Variants in IMMP2L observed in about 807,000 individuals in gnomAD.
IMMP2L encodes the protein inner mitochondrial membrane peptidase subunit 2.
In IMMP2L, 18 loss-of-function variants were observed where a neutral mutation model predicts 19.3. The observed-to-expected ratio is 0.93, with a 90% CI of 0.64 to 1.38. The LOEUF is 1.38. Among genes scored for constraint, IMMP2L ranks in the 40% most tolerant of loss-of-function variants. The pLI, the probability that IMMP2L is intolerant of heterozygous loss-of-function variation, is 0.00. For synonymous variants in IMMP2L, 76 were observed against 73.0 expected (o/e 1.04, Z -0.21); for missense variants, 233 against 218.2 (o/e 1.07, Z -0.43).
At chr7:110,715,827 C>T (rs1429386842) in intron 5 of IMMP2L, among the ~76,000 whole-genome samples, 1 of 152,026 alleles carries the variant, frequency 6.6e-6, no homozygotes, top group Non-Finnish European at 1.5e-5. Context: ...CTAACCTAAC[C>T]TCAATGATCT....
rs551963255 is a variant in IMMP2L at position 110,722,192 on chromosome 7, G to A, written c.409-58471C>T. Among the ~76,000 whole-genome samples, 62 of 152,142 alleles carry A rather than the reference G, an allele frequency of 4.1e-4. 2 individuals carry two copies. The highest frequency in any genetic ancestry group is 1.4e-3 in the African/African-American group (60 of 41,540). On this transcript the variant is annotated intron_variant, in intron 5 of 5. Transcript: ENST00000405709. ...AAGCAGAATAGGGTGGGGATGGAGCGATGAAAAACCTGAAGGGTGTTGAGT... is the reference window on the plus strand; with the variant it reads ...AAGCAGAATAGGGTGGGGATGGAGCAATGAAAAACCTGAAGGGTGTTGAGT...
chr7:110,819,018 C>G (rs972791231), intron 5 of IMMP2L, among the ~76,000 whole-genome samples: 5 of 151,320 alleles, frequency 3.3e-5, no homozygotes, highest in Middle Eastern at 3.4e-3. Context: ...TAAATGACGA[C>G]TTAATATGTG....
chr7:111,349,879 T>C (rs1365412084), intron 3 of IMMP2L, among the ~76,000 whole-genome samples: 4 of 152,078 alleles, frequency 2.6e-5, no homozygotes, highest in African/African-American at 9.7e-5. Flanking sequence ...TTCTCTGATG[T>C]AGAATAAGAG....
intron 3 of IMMP2L, among the ~76,000 whole-genome samples, chr7:110,965,464 C>T (rs1006952295): frequency 6.6e-6 from 1 of 151,938 alleles, no homozygotes; most frequent in Non-Finnish European, 1.5e-5. Context: ...CAGTTTTTCA[C>T]TAAGTTAACT....
At chr7:111,508,642 G>C (rs1480897588) in intron 2 of IMMP2L, among the ~76,000 whole-genome samples, 1 of 152,122 alleles carries the variant, frequency 6.6e-6, no homozygotes, top group African/African-American at 2.4e-5. Context: ...ACTCAGAATG[G>C]GGAGAGTGTG....
At chr7:111,193,495 T>A (rs1809128413) in intron 3 of IMMP2L, among the ~76,000 whole-genome samples, 1 of 152,172 alleles carries the variant, frequency 6.6e-6, no homozygotes, top group Admixed American at 6.5e-5. Flanking sequence ...AGTCAAACAT[T>A]GAGCATCCAT....
chr7:111,481,239 G>C (rs1379999511), intron 3 of IMMP2L, among the ~76,000 whole-genome samples: 1 of 152,044 alleles, frequency 6.6e-6, no homozygotes, highest in Non-Finnish European at 1.5e-5. Context: ...TACAGAAATG[G>C]GAGTAAAATA....
At chr7:111,135,710 T>A (rs1257956589) in intron 3 of IMMP2L, among the ~76,000 whole-genome samples, 1 of 152,194 alleles carries the variant, frequency 6.6e-6, no homozygotes, top group Non-Finnish European at 1.5e-5. Flanking sequence ...AACATATGCT[T>A]ATTATACAAA....
At chr7:110,703,971 G>T (rs1194034918) in intron 5 of IMMP2L, among the ~76,000 whole-genome samples, 1 of 151,474 alleles carries the variant, frequency 6.6e-6, no homozygotes, top group South Asian at 2.1e-4. Flanking sequence ...TCAGCCTCCC[G>T]AGTAGCTGGG....
intron 2 of IMMP2L, among the ~76,000 whole-genome samples, chr7:111,511,129 TTCA>T (rs1159627252): frequency 3.3e-5 from 5 of 152,028 alleles, no homozygotes; most frequent in African/African-American, 1.2e-4. Context: ...AAATCATCCA[TTCA>T]TCATTAGTCA....
intron 3 of IMMP2L, among the ~76,000 whole-genome samples, chr7:111,389,821 G>T (rs1832157711): frequency 6.6e-6 from 1 of 151,950 alleles, no homozygotes; most frequent in Non-Finnish European, 1.5e-5. Context: ...TCTGAATTTT[G>T]AATATAAAAA....
At chr7:110,685,060 G>C (rs867030626) in intron 5 of IMMP2L, among the ~76,000 whole-genome samples, 8 of 151,930 alleles carry the variant, frequency 5.3e-5, no homozygotes, top group East Asian at 1.9e-4. Flanking sequence ...TTAAGGGTTG[G>C]GGGGGAAGGG....
chr7:111,008,099 T>C (rs968533417), intron 3 of IMMP2L, among the ~76,000 whole-genome samples: 1 of 152,068 alleles, frequency 6.6e-6, no homozygotes, highest in African/African-American at 2.4e-5. Context: ...ACTACTACAA[T>C]AGCCTCCAAA....
chr7:111,304,102 C>A (rs993708973), intron 3 of IMMP2L, among the ~76,000 whole-genome samples: 1 of 151,924 alleles, frequency 6.6e-6, no homozygotes, highest in Admixed American at 6.6e-5. Flanking sequence ...TTATTCATAA[C>A]GAATATTGGC....
At chr7:110,783,304 G>T (rs1385994711) in intron 5 of IMMP2L, among the ~76,000 whole-genome samples, 2 of 151,638 alleles carry the variant, frequency 1.3e-5, no homozygotes, top group Admixed American at 1.3e-4. Flanking sequence ...TTATCAAGTA[G>T]GTACCAACAT....
At chr7:110,943,728 T>C (rs1053308796) in intron 4 of IMMP2L, among the ~76,000 whole-genome samples, 7 of 151,964 alleles carry the variant, frequency 4.6e-5, no homozygotes, top group Non-Finnish European at 7.4e-5. Context: ...GGTAGGGTGT[T>C]ACCACAGAAG....
chr7:110,837,739 G>T (rs572269603), intron 5 of IMMP2L, among the ~76,000 whole-genome samples: 2 of 152,234 alleles, frequency 1.3e-5, no homozygotes, highest in Non-Finnish European at 2.9e-5. Context: ...GAGATGAATG[G>T]GGGTTGGGAG....
chr7:110,663,734 G>A lies in IMMP2L; in HGVS notation c.409-13C>T, dbSNP rs766471090. The A allele has an allele frequency of 2.9e-5, 45 of 1,530,738 alleles. No individual in the cohort carries two copies. The highest frequency in any genetic ancestry group is 3.6e-5 in the Non-Finnish European group (41 of 1,135,580). The allele number at this position is 1,530,738 out of a possible 1,614,324, so 94.8% of individuals were successfully genotyped here. A position where few individuals can be genotyped will look rare whatever the true frequency, so the allele number is the denominator to read the frequency against. On this transcript the variant is annotated splice_polypyrimidine_tract_variant and intron_variant, in intron 5 of 5. Transcript: ENST00000405709. Reference sequence around the variant, plus strand: ...GTCCTAGGGAAACCTTAATTCATGAGAAACAGAAAGAAAGCAATAAAGAGA... The same window carrying A: ...GTCCTAGGGAAACCTTAATTCATGAAAAACAGAAAGAAAGCAATAAAGAGA...
chr7:111,510,085 G>A (rs535879036), intron 2 of IMMP2L, among the ~76,000 whole-genome samples: 1 of 152,268 alleles, frequency 6.6e-6, no homozygotes, highest in South Asian at 2.1e-4. Flanking sequence ...TTTCTAATAA[G>A]TGAATGACAG....
Sources: allele counts gnomAD v4.1 joint callset (sites outside exome capture counted in the v4.1 genomes callset), GRCh38; gene constraint gnomAD v4.1.1; transcripts MANE v1.5; gene names NCBI Gene and HGNC (gene_info 2026-07-23, HGNC 2026-07-21).